Variants in ATP6V1C2 observed in about 807,000 individuals in gnomAD.
ATP6V1C2 encodes V-type proton ATPase subunit C 2.
ATP6V1C2 carries 45 observed loss-of-function variants against 56.8 expected under a neutral mutation model. The observed-to-expected ratio is 0.79, with a 90% CI of 0.62 to 1.02. The LOEUF is 1.02. ATP6V1C2 is among the 50% of genes least tolerant of loss of function. The pLI, the probability that ATP6V1C2 is intolerant of heterozygous loss-of-function variation, is 0.00. For missense variants in ATP6V1C2, 463 were observed against 519.7 expected (o/e 0.89, Z 1.06); for synonymous variants, 220 against 201.3 (o/e 1.09, Z -0.79).
At chr2:10,761,613 T>G (rs980162295) in intron 4 of ATP6V1C2, among the ~76,000 whole-genome samples, 1 of 152,228 alleles carries the variant, frequency 6.6e-6, no homozygotes, top group African/African-American at 2.4e-5. Flanking sequence ...AACCACAGAC[T>G]AAGATCAGAC....
chr2:10,774,709 C>T (rs922962915), intron 8 of ATP6V1C2, 79 bp from the exon 9 acceptor site: 34 of 1,298,646 alleles, frequency 2.6e-5, no homozygotes, highest in Non-Finnish European at 3.4e-5. Flanking sequence ...GTGCAGGCCA[C>T]CAGGCCCGGG....
intron 11 of ATP6V1C2, 44 bp downstream of exon 11, chr2:10,777,766 C>G (rs1665093447): frequency 6.4e-7 from 1 of 1,573,054 alleles, no homozygotes; most frequent in Non-Finnish European, 8.6e-7. Context: ...GCTCACATCT[C>G]CTCGCCAGCT....
At chr2:10,725,362 C>T (rs1454230917) in intron 2 of ATP6V1C2, among the ~76,000 whole-genome samples, 3 of 150,150 alleles carry the variant, frequency 2.0e-5, no homozygotes, top group Non-Finnish European at 4.4e-5. Flanking sequence ...TTGCAGTGAG[C>T]CGAGATCTCA....
intron 4 of ATP6V1C2, among the ~76,000 whole-genome samples, chr2:10,762,270 C>T (rs1306991811): frequency 6.6e-6 from 1 of 151,944 alleles, no homozygotes; most frequent in Non-Finnish European, 1.5e-5. Flanking sequence ...CTCAGCCTCC[C>T]CAGTAGCTGG....
chr2:10,777,997 G>A (rs561362827), intron 11 of ATP6V1C2, among the ~76,000 whole-genome samples: 1 of 152,288 alleles, frequency 6.6e-6, no homozygotes, highest in East Asian at 1.9e-4. Flanking sequence ...GCCCTGGCTG[G>A]GGTGGTGGTT....
chr2:10,774,282 A>G (rs1217454736), intron 8 of ATP6V1C2, among the ~76,000 whole-genome samples: 2 of 152,178 alleles, frequency 1.3e-5, no homozygotes, highest in African/African-American at 4.8e-5. Flanking sequence ...GGACTCAGAG[A>G]TGCTTAGACT....
chr2:10,738,103 T>G (rs1441292200), intron 3 of ATP6V1C2, among the ~76,000 whole-genome samples: 1 of 152,212 alleles, frequency 6.6e-6, no homozygotes, highest in Non-Finnish European at 1.5e-5. Flanking sequence ...CACATCTCTA[T>G]TTTGGTAACT....
chr2:10,722,879 T>C lies in ATP6V1C2; in HGVS notation c.30T>C (p.Pro10=), dbSNP rs199648132. Residue 10 remains proline, a synonymous_variant, in exon 2 of 14, where the codon CCT becomes CCC. Transcript: ENST00000272238. The stretch of plus-strand genomic sequence containing the variant: ...CGGAGTTTTGGTTAATTTCTGCCCC[T>C]GGCGATAAGGAAAATTTGCAAGCTC... MSEFWLISA[P]GDKENLQALE... 3.1e-6 allele frequency: 5 copies of C among 1,614,138 alleles called. No homozygotes were observed. The East Asian group carries it at 1.1e-4, about 36-fold the overall frequency.
At chr2:10,731,507 T>C (rs576502798) in intron 3 of ATP6V1C2, among the ~76,000 whole-genome samples, 1 of 152,278 alleles carries the variant, frequency 6.6e-6, no homozygotes, top group East Asian at 1.9e-4. Flanking sequence ...AAGACACATA[T>C]TAATAAAATA....
chr2:10,769,178 T>C (rs1664425053), intron 6 of ATP6V1C2, among the ~76,000 whole-genome samples: 1 of 152,224 alleles, frequency 6.6e-6, no homozygotes, highest in Admixed American at 6.5e-5. Flanking sequence ...GCACGGCCCG[T>C]TGCAAAGCGC....
chr2:10,723,877 T>G (rs1661495301), intron 2 of ATP6V1C2, among the ~76,000 whole-genome samples: 1 of 150,704 alleles, frequency 6.6e-6, no homozygotes, highest in African/African-American at 2.4e-5. Context: ...TGTGCAATTT[T>G]TTTCCCCCCG....
chr2:10,733,266 G>A (rs1662065482), intron 3 of ATP6V1C2, among the ~76,000 whole-genome samples: 1 of 152,136 alleles, frequency 6.6e-6, no homozygotes, highest in Non-Finnish European at 1.5e-5. Flanking sequence ...AGAGGTTGGG[G>A]TAAAAGAGTG....
intron 12 of ATP6V1C2, among the ~76,000 whole-genome samples, chr2:10,781,385 G>A (rs1355680388): frequency 1.3e-5 from 2 of 152,184 alleles, no homozygotes; most frequent in Non-Finnish European, 2.9e-5. Flanking sequence ...GGCTGAGGCA[G>A]GAGAATCGGT....
chr2:10,760,238 C>T (rs1243937166), intron 4 of ATP6V1C2, among the ~76,000 whole-genome samples: 2 of 151,686 alleles, frequency 1.3e-5, no homozygotes, highest in Non-Finnish European at 2.9e-5. Context: ...GGTGTGATGG[C>T]GTGTGCCTGT....
At chr2:10,754,140 C>T in intron 4 of ATP6V1C2, 74 bp downstream of exon 4, 1 of 1,283,328 alleles carries the variant, frequency 7.8e-7, no homozygotes. Context: ...CTTGCTGTGG[C>T]CACACAGCAA....
At chr2:10,754,909 C>T (rs1234420804) in intron 4 of ATP6V1C2, among the ~76,000 whole-genome samples, 1 of 151,650 alleles carries the variant, frequency 6.6e-6, no homozygotes, top group East Asian at 2.0e-4. Flanking sequence ...GTGGTCTTGC[C>T]CAGGCTGGAG....
At chr2:10,741,658 C>T (rs1347888382) in intron 3 of ATP6V1C2, among the ~76,000 whole-genome samples, 1 of 152,220 alleles carries the variant, frequency 6.6e-6, no homozygotes, top group Non-Finnish European at 1.5e-5. Context: ...GGGGTCAGGA[C>T]CAGCTGACAT....
At chr2:10,775,240 G>T (rs746712289) in intron 10 of ATP6V1C2, among the ~76,000 whole-genome samples, 169 bp downstream of exon 10, 9 of 152,222 alleles carry the variant, frequency 5.9e-5, no homozygotes. Context: ...GGTCTGGGGG[G>T]AGGGGCGGTG....
chr2:10,783,243 G>A lies in ATP6V1C2; in HGVS notation c.1264G>A (p.Asp422Asn). The change falls in exon 14 of 14, where the codon GAC (aspartate) becomes AAC (asparagine). Residue 422 changes from aspartate (D) to asparagine (N), a missense_variant. Physicochemically the swap from Asp to Asn is conservative, Grantham distance 23. Coordinates refer to ENST00000272238, the MANE Select transcript of ATP6V1C2 (RefSeq NM_001039362.2). The part of the protein sequence containing the change: ...DYFPYVYFHI[D>N]LSLLD ...TTTTCCTTATGTCTACTTCCATATT[G>A]ACCTTAGTCTTCTTGACTAGAAAGG... The A allele has an allele frequency of 1.2e-6, 2 of 1,613,418 alleles. No individual in the cohort carries two copies. Among genetic ancestry groups the A allele is most frequent in the Non-Finnish European group, 1.7e-6 (2 of 1,179,468 alleles).
Sources: allele counts gnomAD v4.1 joint callset (sites outside exome capture counted in the v4.1 genomes callset), GRCh38; gene constraint gnomAD v4.1.1; transcripts MANE v1.5; gene names NCBI Gene and HGNC (gene_info 2026-07-23, HGNC 2026-07-21).